COL4A5: variants seen among roughly 807,000 people sequenced by gnomAD.
The protein encoded by COL4A5 is collagen alpha-5(IV) chain.
In COL4A5, 26 loss-of-function variants were observed where a neutral mutation model predicts 130.2. The observed-to-expected ratio is 0.20, with a 90% confidence interval of 0.15 to 0.28. The LOEUF is 0.28. COL4A5 is among the 10% of genes least tolerant of loss of function. The probability of loss-of-function intolerance (pLI) is 1.00; values close to 1 mark genes in which losing one functional copy is unlikely to be tolerated. For missense variants in COL4A5, 1,131 were observed against 1,344.3 expected (o/e 0.84, Z 2.48); for synonymous variants, 496 against 439.6 (o/e 1.13, Z -1.60).
rs1603311102 is a variant in COL4A5 at position 108,668,632 on chromosome X, T to G, written c.3790+128T>G. The G allele has an allele frequency of 1.3e-5, 6 of 475,644 alleles. No homozygotes were observed. In the East Asian group the frequency reaches 2.4e-4, roughly 19 times the overall value. 39.2% of individuals were successfully genotyped at this position (475,644 alleles called of 1,213,427 possible). On this transcript the variant is annotated intron_variant, in intron 41 of 52. Transcript: ENST00000328300. Reference sequence around the variant, plus strand: ...ATTGGAGGATGTTAAAAAAAAGACTTTAAAATTTGTGATATAACTTCTTAC... The same window carrying G: ...ATTGGAGGATGTTAAAAAAAAGACTGTAAAATTTGTGATATAACTTCTTAC...
At chrX:108,515,329 T>C (rs2065211219) in intron 1 of COL4A5, among the ~76,000 whole-genome samples, 2 of 111,792 alleles carry the variant, frequency 1.8e-5, no homozygotes, top group African/African-American at 6.5e-5. Context: ...TAATAAGAAA[T>C]AGGTTGATGA....
At chrX:108,524,035 G>C (rs1188369742) in intron 1 of COL4A5, among the ~76,000 whole-genome samples, 3 of 111,293 alleles carry the variant, frequency 2.7e-5, no homozygotes, top group Non-Finnish European at 5.7e-5. Flanking sequence ...TTTTGATATG[G>C]ATGGTTTGTG....
intron 1 of COL4A5, among the ~76,000 whole-genome samples, chrX:108,492,268 T>C (rs770437393): frequency 1.1e-4 from 12 of 111,816 alleles, no homozygotes; most frequent in Non-Finnish European, 1.7e-4. Context: ...CCAGGCGTTT[T>C]AGGAAATTTC....
intron 2 of COL4A5, among the ~76,000 whole-genome samples, chrX:108,553,069 T>C (rs1448063737): frequency 9.0e-6 from 1 of 111,637 alleles, no homozygotes; most frequent in South Asian, 3.7e-4. Context: ...GCTCACACTT[T>C]ATATAAAAGT....
chrX:108,505,437 T>C (rs373550472), intron 1 of COL4A5, among the ~76,000 whole-genome samples: 2 of 111,554 alleles, frequency 1.8e-5, no homozygotes, highest in East Asian at 5.6e-4. Context: ...TTTTTTTTCA[T>C]GTGTTAGTTG....
intron 36 of COL4A5, among the ~76,000 whole-genome samples, chrX:108,649,739 C>A (rs1388446250): frequency 9.0e-6 from 1 of 111,610 alleles, no homozygotes; most frequent in Non-Finnish European, 1.9e-5. Flanking sequence ...TCATCTCTCA[C>A]CTTATACAAA....
chrX:108,575,845 A>G, intron 9 of COL4A5, 65 bp from the exon 10 acceptor site: 1 of 847,499 alleles, frequency 1.2e-6, no homozygotes, highest in South Asian at 2.2e-5. Context: ...GTAAAAAAAG[A>G]AAAAATACAA....
chrX:108,692,205 T>G (rs764818181), intron 49 of COL4A5, among the ~76,000 whole-genome samples: 2 of 111,497 alleles, frequency 1.8e-5, no homozygotes, highest in African/African-American at 6.5e-5. Context: ...TTTTTTGGTT[T>G]GTTTGTTTTC....
intron 1 of COL4A5, among the ~76,000 whole-genome samples, chrX:108,444,804 A>G (rs2064436461): frequency 8.9e-6 from 1 of 112,079 alleles, no homozygotes; most frequent in Admixed American, 9.5e-5. Context: ...TTCCAGTCCA[A>G]GACCCTAGAA....
chrX:108,666,894 A>AT (rs1302823281), intron 39 of COL4A5, among the ~76,000 whole-genome samples: 1 of 111,732 alleles, frequency 8.9e-6, no homozygotes, highest in Non-Finnish European at 1.9e-5. Flanking sequence ...TTTCATTTAT[A>AT]TTTTTTTCTT....
At chrX:108,672,534 T>C (rs776768745) in intron 42 of COL4A5, among the ~76,000 whole-genome samples, 56 of 112,209 alleles carry the variant, frequency 5.0e-4, no homozygotes, top group Non-Finnish European at 8.5e-4. Flanking sequence ...AGTATACCTT[T>C]AGTAATTACT....
At chrX:108,456,896 A>G (rs1362532297) in intron 1 of COL4A5, among the ~76,000 whole-genome samples, 1 of 111,915 alleles carries the variant, frequency 8.9e-6, no homozygotes, top group African/African-American at 3.2e-5. Context: ...GATTATATAA[A>G]CAAGAAGCTA....
rs371490652 is a variant in COL4A5, at chrX:108,530,140, T to A, written c.82-9606T>A. Among the ~76,000 whole-genome samples, 9 of 111,526 alleles carry A rather than the reference T, an allele frequency of 8.1e-5. 1 individual carries two copies. The East Asian group carries it at 1.4e-3, about 17-fold the overall frequency. ...TACATGGACCATTCTCCAGGATAGATCATGTGTTAGGTCACAATATAAGTC... is the reference window on the plus strand; with the variant it reads ...TACATGGACCATTCTCCAGGATAGAACATGTGTTAGGTCACAATATAAGTC... On this transcript the variant is annotated intron_variant, in intron 1 of 52. Transcript: ENST00000328300.
At chrX:108,515,037 A>C (rs1259380122) in intron 1 of COL4A5, among the ~76,000 whole-genome samples, 1 of 112,040 alleles carries the variant, frequency 8.9e-6, no homozygotes, top group Non-Finnish European at 1.9e-5. Flanking sequence ...AGAACATTAT[A>C]TATATTGAGG....
At chrX:108,693,657 C>A in intron 50 of COL4A5, 1 of 111,231 alleles carries the variant, frequency 9.0e-6, no homozygotes. Flanking sequence ...TTGCTATAGC[C>A]CTGATGTGAG....
intron 49 of COL4A5, chrX:108,689,809 G>T (rs998975110): frequency 1.3e-6 from 1 of 752,989 alleles, no homozygotes; most frequent in Non-Finnish European, 1.6e-6. Context: ...TGGGAGAAAA[G>T]AAAAACATAC....
intron 1 of COL4A5, among the ~76,000 whole-genome samples, chrX:108,458,010 C>T (rs1050867834): frequency 7.2e-5 from 8 of 111,816 alleles, no homozygotes. Context: ...TGCGGATATG[C>T]TCTGCCATTT....
At chrX:108,547,556 A>G (rs1357359749) in intron 2 of COL4A5, among the ~76,000 whole-genome samples, 1 of 112,199 alleles carries the variant, frequency 8.9e-6, no homozygotes, top group African/African-American at 3.2e-5. Flanking sequence ...CTCAGGGGTC[A>G]GGGACCCACT....
intron 1 of COL4A5, among the ~76,000 whole-genome samples, chrX:108,456,053 G>A (rs920348473): frequency 5.4e-5 from 6 of 110,856 alleles, no homozygotes; most frequent in African/African-American, 2.0e-4. Flanking sequence ...GATCAATTTA[G>A]GAACAACTGA....
Sources: gnomAD v4.1 joint callset for allele counts (sites outside exome capture counted in the v4.1 genomes callset) on GRCh38, gnomAD v4.1.1 for gene constraint, MANE v1.5 for transcripts, NCBI Gene and HGNC (gene_info 2026-07-23, HGNC 2026-07-21) for gene names.